Variants in PRRC2C observed in about 807,000 individuals in gnomAD.
PRRC2C encodes protein PRRC2C.
PRRC2C carries 72 observed loss-of-function variants against 317.2 expected under a neutral mutation model. That is an observed-to-expected ratio of 0.23 (90% CI 0.19 to 0.28). The LOEUF is 0.28. Among genes scored for constraint, PRRC2C ranks in the 10% least tolerant of loss-of-function variants. The pLI is 1.00. For synonymous variants in PRRC2C, 1,296 were observed against 1,205.9 expected (o/e 1.07, Z -1.55); for missense variants, 3,074 against 3,459.7 (o/e 0.89, Z 2.80).
In PRRC2C at chr1:171,522,242, T is replaced by C; in HGVS notation, c.816T>C (p.Ser272=). 1.3e-6 allele frequency: 2 copies of C among 1,583,998 alleles called. No homozygotes were observed. Among genetic ancestry groups the C allele is most frequent in the Non-Finnish European group, 1.7e-6 (2 of 1,153,652 alleles). The change falls in exon 7 of 35, where the codon TCT becomes TCC. Residue 272 remains serine, a synonymous_variant. Coordinates refer to ENST00000647382, the MANE Select transcript of PRRC2C (RefSeq NM_001387844.1). ...ATGGTCCCATGAGATTCCCACCTTC[T>C]TTATCTGAAACAAACAAGTAAGGCT... is the stretch of plus-strand genomic sequence containing the variant. The part of the protein sequence containing the change: ...PLHGPMRFPP[S]LSETNKGLRG...
intron 1 of PRRC2C, chr1:171,510,364 A>C (rs1280079126): frequency 6.6e-6 from 1 of 152,192 alleles, no homozygotes; most frequent in Admixed American, 6.5e-5. Flanking sequence ...CAGGATTCTT[A>C]GTTAAATAAC....
chr1:171,522,900 A>G (rs1474282120), intron 7 of PRRC2C, among the ~76,000 whole-genome samples: 1 of 149,332 alleles, frequency 6.7e-6, no homozygotes, highest in African/African-American at 2.5e-5. Context: ...ATGAGACTTG[A>G]ACATCCTCTT....
rs145417974 is a variant in PRRC2C, at chr1:171,507,791, G to A, written c.-57-4241G>A. Among the ~76,000 whole-genome samples, 271 of 152,266 alleles carry A rather than the reference G, an allele frequency of 1.8e-3. 2 individuals carry two copies. The highest frequency in any genetic ancestry group is 0.011 in the South Asian group (55 of 4,828). ...ATATTAATTCTTCCAATCTGTGAAT[G>A]TGGGCTATCTTTCTATTTATTTCGA... On this transcript the variant is annotated intron_variant, in intron 1 of 34. Coordinates refer to ENST00000647382, the MANE Select transcript of PRRC2C (RefSeq NM_001387844.1).
chr1:171,555,650 G>T (rs1681222061), intron 18 of PRRC2C, among the ~76,000 whole-genome samples: 2 of 152,180 alleles, frequency 1.3e-5, no homozygotes, highest in Admixed American at 6.5e-5. Flanking sequence ...TGGGGTTTTG[G>T]TGTGGATGTC....
chr1:171,520,841 T>A (rs1381274112), intron 6 of PRRC2C, among the ~76,000 whole-genome samples: 1 of 147,886 alleles, frequency 6.8e-6, no homozygotes, highest in Admixed American at 6.9e-5. Context: ...AGTTTCGCTC[T>A]GTTGCCAGGC....
chr1:171,555,502 C>T (rs1014055654), intron 18 of PRRC2C, among the ~76,000 whole-genome samples: 5 of 152,168 alleles, frequency 3.3e-5, no homozygotes, highest in African/African-American at 7.2e-5. Context: ...AGCTTTGTTC[C>T]GTTGCTGGCG....
chr1:171,545,087 T>G (rs908905347), intron 16 of PRRC2C, among the ~76,000 whole-genome samples: 1 of 152,186 alleles, frequency 6.6e-6, no homozygotes, highest in African/African-American at 2.4e-5. Context: ...TTTTAAAAAT[T>G]TTTGTTTTCA....
chr1:171,512,589 T>G (rs1228821833), intron 2 of PRRC2C: 4 of 238,574 alleles, frequency 1.7e-5, no homozygotes, highest in East Asian at 2.2e-4. Context: ...GTGTGTGTGT[T>G]AGATACTGTG....
At chr1:171,590,680 T>C (rs1651220792) in intron 34 of PRRC2C, among the ~76,000 whole-genome samples, 2 of 152,220 alleles carry the variant, frequency 1.3e-5, no homozygotes, top group African/African-American at 2.4e-5. Context: ...TAAATAATTA[T>C]CTACTTTTAT....
At chr1:171,559,509 G>GTTTTT (rs869093669) in intron 19 of PRRC2C, among the ~76,000 whole-genome samples, 2 of 33,758 alleles carry the variant, frequency 5.9e-5, no homozygotes, top group Non-Finnish European at 1.2e-4. Context: ...TACCAAGTTT[G>GTTTTT]TTTTTTTTTT....
Position 171,498,198 on chromosome 1 carries a change from C to A in PRRC2C, c.-58+12463C>A, listed in dbSNP as rs1668465216. ...AATCACCAGTCCTTTCTGCTCTCCT[C>A]CTCATTCTCTTCTGACTTCCTCTCT... On this transcript the variant is annotated intron_variant, in intron 1 of 34. Coordinates refer to ENST00000647382, the MANE Select transcript of PRRC2C (RefSeq NM_001387844.1). Among the ~76,000 whole-genome samples, 3 of 152,170 alleles carry A rather than the reference C, an allele frequency of 2.0e-5. No individual in the cohort carries two copies. In the South Asian group the frequency reaches 6.2e-4, roughly 32 times the overall value.
Position 171,589,578 on chromosome 1 carries a change from T to A in PRRC2C, c.8409T>A (p.Ala2803=), listed in dbSNP as rs1164142785. Residue 2803 remains alanine (A), a synonymous_variant, in exon 34 of 35, where the codon GCT becomes GCA. Coordinates refer to ENST00000647382, the MANE Select transcript of PRRC2C (RefSeq NM_001387844.1). The part of the protein sequence containing the change: ...LSGVRGNQAQ[A]ALKAEQDMKA... ...GAGTCAGAGGTAATCAGGCCCAGGC[T>A]GCGTTGAAGGCTGAACAAGACATGA... 13 of 1,289,784 alleles carry A rather than the reference T, an allele frequency of 1.0e-5. No homozygotes were observed. The highest frequency in any genetic ancestry group is 1.3e-5 in the Non-Finnish European group (13 of 988,842). 79.9% of individuals were successfully genotyped at this position (1,289,784 alleles called of 1,614,324 possible). A position where few individuals can be genotyped will look rare whatever the true frequency, so the allele number is the denominator to read the frequency against.
intron 26 of PRRC2C, among the ~76,000 whole-genome samples, chr1:171,579,012 G>A (rs1393737400): frequency 1.3e-5 from 2 of 152,186 alleles, no homozygotes; most frequent in East Asian, 1.9e-4. Context: ...GTTTAAAATT[G>A]GAGTAGAATT....
At position 171,540,170 on chromosome 1, in the gene PRRC2C, G is replaced by T. The variant is rs1268537052; in HGVS notation, c.2704G>T (p.Asp902Tyr). 2 of 1,613,884 alleles carry T rather than the reference G, an allele frequency of 1.2e-6. No homozygotes were observed. The highest frequency in any genetic ancestry group is 1.1e-5 in the South Asian group (1 of 91,054). The change falls in exon 16 of 35, where the codon GAT (aspartate) becomes TAT (tyrosine). Residue 902 changes from aspartate (D) to tyrosine (Y), a missense_variant. By Grantham distance (160) the Asp-to-Tyr change is radical (BLOSUM62 -3). This residue lies in a region of PRRC2C where 1,320 missense variants were observed against 1,395.7 expected (regional missense o/e 0.95). Transcript: ENST00000647382. ...TCAGTCTGCTTGTTTTGAAGCACCT[G>T]ATCAAAAGACCTTATCCGCTCCTCA... Reference protein sequence around the residue: ...NNQSACFEAPDQKTLSAPQEE... With the variant: ...NNQSACFEAPYQKTLSAPQEE...
At chr1:171,554,161 G>T (rs1449986516) in intron 18 of PRRC2C, among the ~76,000 whole-genome samples, 1 of 152,122 alleles carries the variant, frequency 6.6e-6, no homozygotes, top group Non-Finnish European at 1.5e-5. Flanking sequence ...CCTGTATTGG[G>T]TGCATATATA....
intron 1 of PRRC2C, among the ~76,000 whole-genome samples, chr1:171,495,959 A>G (rs1668010103): frequency 6.6e-6 from 1 of 152,204 alleles, no homozygotes; most frequent in Non-Finnish European, 1.5e-5. Context: ...GCACACAGCC[A>G]CCTTCTGACT....
rs754082014 is a variant in PRRC2C, at chr1:171,535,466, A to C, written c.1912A>C (p.Ser638Arg). The C allele has an allele frequency of 3.1e-6, 5 of 1,613,802 alleles. No homozygotes were observed. The highest frequency in any genetic ancestry group is 4.2e-6 in the Non-Finnish European group (5 of 1,179,862). ...TTTCACTAGACAAGACAGCAATCGC[A>C]GTGAAAAGGAAGCCACACCAGTGGT... The part of the protein sequence containing the change: ...PVFTRQDSNR[S>R]EKEATPVVHE... Residue 638 changes from serine to arginine, a missense_variant, in exon 13 of 35, where the codon AGT becomes CGT. Transcript: ENST00000647382.
chr1:171,492,899 G>C (rs577593320), intron 1 of PRRC2C, among the ~76,000 whole-genome samples: 13 of 151,880 alleles, frequency 8.6e-5, no homozygotes, highest in Non-Finnish European at 1.8e-4. Flanking sequence ...TTACAGGTGT[G>C]TACCAGCACA....
chr1:171,557,095 A>G (rs1681600584), intron 18 of PRRC2C, 145 bp from the exon 19 acceptor site: 2 of 1,381,160 alleles, frequency 1.4e-6, no homozygotes, highest in Admixed American at 3.0e-5. Context: ...TCAAAATCTT[A>G]TTAGCAACCC....
Sources: allele counts gnomAD v4.1 joint callset (sites outside exome capture counted in the v4.1 genomes callset), GRCh38; gene constraint gnomAD v4.1.1; regional missense constraint gnomAD v4.1.1; transcripts MANE v1.5; gene names NCBI Gene and HGNC (gene_info 2026-07-23, HGNC 2026-07-21).